DRD2: variants seen among roughly 807,000 people sequenced by gnomAD.
DRD2 encodes the protein D(2) dopamine receptor.
DRD2 carries 8 observed loss-of-function variants against 38.0 expected under a neutral mutation model. That is an observed-to-expected ratio of 0.21 (90% CI 0.12 to 0.38). The LOEUF (loss-of-function observed/expected upper bound fraction) is 0.38, where lower values mean the gene tolerates loss of function less well. Ranked by LOEUF, DRD2 falls within the 10% of genes least tolerant of loss-of-function variation. The pLI, the probability that DRD2 is intolerant of heterozygous loss-of-function variation, is 1.00. For missense variants in DRD2, 403 were observed against 607.7 expected, an observed-to-expected ratio of 0.66 and a Z score of 3.54; for synonymous variants, 230 against 238.6, an observed-to-expected ratio of 0.96 and a Z score of 0.33.
At chr11:113,463,378 C>T (rs4337071) in intron 1 of DRD2, among the ~76,000 whole-genome samples, 40,532 of 152,086 alleles carry the variant, frequency 0.27, 6,442 homozygotes, top group Middle Eastern at 0.4. Context: ...GGAAGTGGGC[C>T]GTGTCAGGGA....
chr11:113,458,004 C>T (rs547396201), intron 1 of DRD2, among the ~76,000 whole-genome samples: 1 of 152,374 alleles, frequency 6.6e-6, no homozygotes, highest in South Asian at 2.1e-4. Context: ...CTGTGCCCTC[C>T]TGGGTGGTAG....
intron 1 of DRD2, among the ~76,000 whole-genome samples, chr11:113,454,791 C>A (rs906050682): frequency 1.3e-5 from 2 of 152,122 alleles, no homozygotes; most frequent in Non-Finnish European, 2.9e-5. Flanking sequence ...AGAAGGAAAT[C>A]CTAATGGAAT....
intron 1 of DRD2, among the ~76,000 whole-genome samples, chr11:113,458,986 CA>C (rs566404538): frequency 1.1e-3 from 170 of 152,230 alleles, no homozygotes; most frequent in Middle Eastern, 0.01. Context: ...ATAAACCTAG[CA>C]TATGTAGAAA....
At chr11:113,413,378 A>G (rs1011401430) in intron 6 of DRD2, 1 of 521,088 alleles carries the variant, frequency 1.9e-6, no homozygotes, top group African/African-American at 1.9e-5. Flanking sequence ...TCCTGGATAG[A>G]CTAATCTAGG....
chr11:113,414,499 T>C, intron 5 of DRD2, 38 bp from the exon 6 acceptor site: 1 of 1,611,236 alleles, frequency 6.2e-7, no homozygotes, highest in Non-Finnish European at 8.5e-7. Flanking sequence ...CACAAAGTGG[T>C]GGGGATGGAG....
rs200607326 is a variant in DRD2 at position 113,414,474 on chromosome 11, C to G, written c.724-13G>C. 6.2e-7 allele frequency: 1 copy of G among 1,614,028 alleles called. No individual in the cohort carries two copies. Among genetic ancestry groups the G allele is most frequent in the Non-Finnish European group, 8.5e-7 (1 of 1,179,960 alleles). ...GAGTACAGTTGCCCTGTGGAGTGAG[C>G]CAGCACATGGGTCACACAAAGTGGT... On this transcript the variant is annotated splice_polypyrimidine_tract_variant and intron_variant, in intron 5 of 7. Coordinates refer to ENST00000362072, the MANE Select transcript of DRD2 (RefSeq NM_000795.4).
chr11:113,470,548 C>G (rs1438283589), intron 1 of DRD2, among the ~76,000 whole-genome samples: 1 of 152,208 alleles, frequency 6.6e-6, no homozygotes, highest in Non-Finnish European at 1.5e-5. Context: ...CTTCCCCTCC[C>G]TGTCCCTTCA....
At chr11:113,414,608 A>C in intron 5 of DRD2, 147 bp from the exon 6 acceptor site, 3 of 784,730 alleles carry the variant, frequency 3.8e-6, no homozygotes, top group Non-Finnish European at 6.6e-6. Flanking sequence ...CAGTTGGGGC[A>C]AGGGGGAAGG....
chr11:113,467,307 C>G (rs1951379760), intron 1 of DRD2, among the ~76,000 whole-genome samples: 3 of 152,142 alleles, frequency 2.0e-5, no homozygotes, highest in African/African-American at 7.2e-5. Context: ...ACAAGAGAGT[C>G]CTCCCCAAGA....
Position 113,412,692 on chromosome 11 carries a change from G to C in DRD2, c.1002C>G (p.His334Gln), listed in dbSNP as rs752896247. 5.8e-5 allele frequency: 93 copies of C among 1,614,116 alleles called. 1 individual carries two copies. Among genetic ancestry groups the C allele is most frequent in the Non-Finnish European group, 7.5e-5 (88 of 1,180,054 alleles). The change falls in exon 7 of 8, where the codon CAC becomes CAG. Residue 334 changes from histidine (H) to glutamine (Q), a missense_variant. By Grantham distance (24) the His-to-Gln change is conservative (BLOSUM62 0). This residue lies in a region of DRD2 where 166 missense variants were observed against 178.6 expected (regional missense o/e 0.93). Transcript: ENST00000362072. ...TCTCAAAGATCTTGGCAATCTTGGG[G>C]TGGTCTTTGGCATGCCCATTCTTCT... is the stretch of plus-strand genomic sequence containing the variant. ...KPEKNGHAKD[H>Q]PKIAKIFEIQ...
intron 1 of DRD2, among the ~76,000 whole-genome samples, chr11:113,461,195 G>A (rs1463450619): frequency 6.6e-6 from 1 of 152,218 alleles, no homozygotes; most frequent in African/African-American, 2.4e-5. Context: ...CTCATTTACA[G>A]GGGCCCAGAA....
At chr11:113,456,427 A>G (rs1951268828) in intron 1 of DRD2, among the ~76,000 whole-genome samples, 1 of 152,248 alleles carries the variant, frequency 6.6e-6, no homozygotes, top group Non-Finnish European at 1.5e-5. Flanking sequence ...TGTTCTCACC[A>G]CAAAAAAATG....
intron 1 of DRD2, among the ~76,000 whole-genome samples, chr11:113,432,893 G>A (rs983127019): frequency 6.6e-6 from 1 of 152,240 alleles, no homozygotes; most frequent in Non-Finnish European, 1.5e-5. Flanking sequence ...CAAGGGAAAA[G>A]GAGAGAGTTA....
intron 1 of DRD2, among the ~76,000 whole-genome samples, chr11:113,466,949 T>G (rs1951375639): frequency 6.6e-6 from 1 of 152,154 alleles, no homozygotes; most frequent in Non-Finnish European, 1.5e-5. Flanking sequence ...AGATTTTGTG[T>G]CATTAGTCAC....
rs1950750168 is a variant in DRD2 at position 113,409,922 on chromosome 11, G to A, written c.*805C>T. The A allele has an allele frequency of 6.6e-6, 1 of 152,504 alleles. No individual in the cohort carries two copies. The highest frequency in any genetic ancestry group is 2.4e-5 in the African/African-American group (1 of 41,458). 9.4% of individuals were successfully genotyped at this position (152,504 alleles called of 1,614,324 possible). ...AGCCCAGGCCCAGATAGAGTTCCAG[G>A]GCCTGACCTCCCTGCCAGGCCCCAG... is the stretch of plus-strand genomic sequence containing the variant. On this transcript the variant is annotated 3_prime_UTR_variant, in exon 8 of 8. Coordinates refer to ENST00000362072, the MANE Select transcript of DRD2 (RefSeq NM_000795.4).
At chr11:113,471,628 A>G (rs1226711531) in intron 1 of DRD2, among the ~76,000 whole-genome samples, 1 of 152,178 alleles carries the variant, frequency 6.6e-6, no homozygotes, top group Non-Finnish European at 1.5e-5. Context: ...TAAGCAGAGT[A>G]CCTGGTAGGA....
intron 1 of DRD2, among the ~76,000 whole-genome samples, chr11:113,451,072 C>T (rs1208366868): frequency 6.6e-6 from 1 of 152,176 alleles, no homozygotes; most frequent in African/African-American, 2.4e-5. Flanking sequence ...TCTGTGAACC[C>T]ACCCTGTAGT....
At chr11:113,459,329 AC>A (rs1461780527) in intron 1 of DRD2, among the ~76,000 whole-genome samples, 1 of 152,160 alleles carries the variant, frequency 6.6e-6, no homozygotes, top group African/African-American at 2.4e-5. Flanking sequence ...AAGGTTTGTC[AC>A]CCCCAATGCA....
intron 1 of DRD2, among the ~76,000 whole-genome samples, chr11:113,468,487 G>A (rs1321865485): frequency 6.6e-6 from 1 of 152,092 alleles, no homozygotes; most frequent in Non-Finnish European, 1.5e-5. Context: ...GGACATCCAG[G>A]CCTCACCTGC....
Sources: allele counts gnomAD v4.1 joint callset (sites outside exome capture counted in the v4.1 genomes callset), GRCh38; gene constraint gnomAD v4.1.1; regional missense constraint gnomAD v4.1.1; transcripts MANE v1.5; gene names NCBI Gene and HGNC (gene_info 2026-07-23, HGNC 2026-07-21).